LMBR1: variants seen among roughly 807,000 people sequenced by gnomAD.
The protein encoded by LMBR1 is limb development membrane protein 1.
In LMBR1, 52 loss-of-function variants were observed where a neutral mutation model predicts 73.9. That is an observed-to-expected ratio of 0.70 (90% CI 0.56 to 0.89). The LOEUF is 0.89. LMBR1 is among the 40% of genes least tolerant of loss of function. The pLI, the probability that LMBR1 is intolerant of heterozygous loss-of-function variation, is 0.00. For missense variants in LMBR1, 539 were observed against 579.8 expected (o/e 0.93, Z 0.72); for synonymous variants, 215 against 209.4 (o/e 1.03, Z -0.23).
intron 1 of LMBR1, among the ~76,000 whole-genome samples, chr7:156,849,147 A>G (rs1795908347): frequency 6.6e-6 from 1 of 152,160 alleles, no homozygotes; most frequent in Non-Finnish European, 1.5e-5. Flanking sequence ...AAAATGTGGT[A>G]TGTACATACC....
chr7:156,887,838 C>T (rs1179358312), intron 1 of LMBR1, among the ~76,000 whole-genome samples: 3 of 152,098 alleles, frequency 2.0e-5, no homozygotes, highest in Non-Finnish European at 2.9e-5. Context: ...TCAAGCAACT[C>T]AATTCAAAAA....
intron 5 of LMBR1, among the ~76,000 whole-genome samples, chr7:156,787,134 A>T (rs1481365530): frequency 1.1e-4 from 16 of 152,078 alleles, no homozygotes; most frequent in South Asian, 4.1e-4. Flanking sequence ...CATGCTTTAA[A>T]ATCTGCCCTT....
chr7:156,819,308 A>G (rs1228624763), intron 4 of LMBR1, among the ~76,000 whole-genome samples: 1 of 152,238 alleles, frequency 6.6e-6, no homozygotes, highest in Admixed American at 6.5e-5. Flanking sequence ...CATACAAAAA[A>G]AAGCATTATC....
At chr7:156,824,590 C>T (rs1264446007) in intron 4 of LMBR1, among the ~76,000 whole-genome samples, 16 of 152,154 alleles carry the variant, frequency 1.1e-4, no homozygotes. Flanking sequence ...CATGTCTAGT[C>T]CCGGCACTTT....
rs554895108 is a variant in LMBR1, at chr7:156,669,770, C to T, written n.867-483G>A. On this transcript the variant is annotated intron_variant and non_coding_transcript_variant, in intron 4 of 4. Coordinates refer to the LMBR1 transcript ENST00000430825. The surrounding 1 kb of genome is among the most constrained non-coding windows in gnomAD (Gnocchi z 4.2). ...CATGGCTGGGCCCCTCCAGCACAGG[C>T]GCTTCCTGGGAGCCTCTGCAGGGCG... Among the ~76,000 whole-genome samples, 151 of 152,288 alleles carry T rather than the reference C, an allele frequency of 9.9e-4. No individual in the cohort carries two copies. The highest frequency in any genetic ancestry group is 5.0e-3 in the East Asian group (26 of 5,166).
At chr7:156,813,380 C>A (rs1435835347) in intron 4 of LMBR1, among the ~76,000 whole-genome samples, 2 of 152,228 alleles carry the variant, frequency 1.3e-5, no homozygotes, top group Admixed American at 6.5e-5. Flanking sequence ...TAGTTACCTA[C>A]TCTATTTCAA....
At chr7:156,740,876 G>A (rs562551174) in intron 9 of LMBR1, among the ~76,000 whole-genome samples, 1 of 152,188 alleles carries the variant, frequency 6.6e-6, no homozygotes. Flanking sequence ...TAATTACGGT[G>A]TGTAAACTAC....
chr7:156,775,630 AAC>A (rs1361992679), intron 5 of LMBR1, among the ~76,000 whole-genome samples: 1 of 152,240 alleles, frequency 6.6e-6, no homozygotes, highest in African/African-American at 2.4e-5. Context: ...ATGGATAATT[AAC>A]AGTCTTATCT....
chr7:156,823,933 C>CA (rs1563456364), intron 4 of LMBR1: 1 of 151,926 alleles, frequency 6.6e-6, no homozygotes, highest in Admixed American at 6.6e-5. Flanking sequence ...ACTAAAAATA[C>CA]AAAAAAATTA....
chr7:156,684,139 T>C lies in LMBR1; in HGVS notation c.1412A>G (p.Asn471Ser), dbSNP rs1175045460. The C allele has an allele frequency of 4.3e-6, 7 of 1,614,018 alleles. No homozygotes were observed. The highest frequency in any genetic ancestry group is 1.7e-5 in the Admixed American group (1 of 60,016). The change falls in exon 17 of 17, where the codon AAT (asparagine) becomes AGT (serine). Residue 471 changes from asparagine to serine, a missense_variant. Coordinates refer to ENST00000353442, the MANE Select transcript of LMBR1 (RefSeq NM_022458.4). ...ALGLHKLHLPNTSRDSETAKP... is the reference protein window; with the variant it reads ...ALGLHKLHLPSTSRDSETAKP... ...GGCTGTTTCTGAATCCCTTGAAGTA[T>C]TTGGTAAGTGAAGTTTATGAAGCCC...
chr7:156,733,537 T>C (rs1817272326), intron 10 of LMBR1, among the ~76,000 whole-genome samples: 1 of 151,638 alleles, frequency 6.6e-6, no homozygotes, highest in Non-Finnish European at 1.5e-5. Flanking sequence ...TAGATGAGAT[T>C]AAAGGCAGAT....
At chr7:156,812,317 CAGAG>C (rs60561733) in intron 4 of LMBR1, among the ~76,000 whole-genome samples, 37 of 149,880 alleles carry the variant, frequency 2.5e-4, no homozygotes, top group Middle Eastern at 6.9e-3. Flanking sequence ...TTTAAACACA[CAGAG>C]AGAGAGAGAG....
intron 1 of LMBR1, among the ~76,000 whole-genome samples, chr7:156,864,372 G>A (rs1798157059): frequency 6.6e-6 from 1 of 152,034 alleles, no homozygotes; most frequent in South Asian, 2.1e-4. Context: ...GTAAGTTAGT[G>A]AAAAAATGTC....
intron 3 of LMBR1, among the ~76,000 whole-genome samples, chr7:156,831,097 T>A (rs1836593439): frequency 6.6e-6 from 1 of 152,128 alleles, no homozygotes; most frequent in Admixed American, 6.6e-5. Flanking sequence ...AGGGAAGGCC[T>A]CACTGAAAAG....
At chr7:156,825,766 C>T (rs1220835931) in intron 4 of LMBR1, among the ~76,000 whole-genome samples, 1 of 152,142 alleles carries the variant, frequency 6.6e-6, no homozygotes, top group Non-Finnish European at 1.5e-5. Flanking sequence ...ACTTTACATA[C>T]ATCATTCCTA....
intron 4 of LMBR1, chr7:156,823,649 T>TA (rs1199169174): frequency 6.6e-6 from 1 of 152,122 alleles, no homozygotes; most frequent in Non-Finnish European, 1.5e-5. Flanking sequence ...AATGACGAAA[T>TA]AGCCTTTGAA....
At chr7:156,688,460 G>A (rs955739928) in intron 15 of LMBR1, among the ~76,000 whole-genome samples, 9 of 151,960 alleles carry the variant, frequency 5.9e-5, no homozygotes, top group African/African-American at 2.2e-4. Flanking sequence ...GACATTCGAC[G>A]GAACTCATGC....
At chr7:156,777,207 T>C (rs1826312035) in intron 5 of LMBR1, among the ~76,000 whole-genome samples, 1 of 152,218 alleles carries the variant, frequency 6.6e-6, no homozygotes. Context: ...AGTGCTGGGA[T>C]TACAGGCATC....
chr7:156,697,983 C>T (rs1808701193), intron 15 of LMBR1, among the ~76,000 whole-genome samples: 1 of 152,180 alleles, frequency 6.6e-6, no homozygotes, highest in South Asian at 2.1e-4. Context: ...CCAGCCAGTC[C>T]CTCCATTCGT....
Sources: gnomAD v4.1 joint callset for allele counts (sites outside exome capture counted in the v4.1 genomes callset) on GRCh38, gnomAD v4.1.1 for gene constraint, Gnocchi (gnomAD v3.1) non-coding constraint, MANE v1.5 for transcripts, NCBI Gene and HGNC (gene_info 2026-07-23, HGNC 2026-07-21) for gene names.